Variants in DYNLT1 observed in about 807,000 individuals in gnomAD.
The protein encoded by DYNLT1 is dynein light chain Tctex-type 1.
Under a neutral mutation model 19.6 loss-of-function variants are expected in DYNLT1, and 18 were observed. That is an observed-to-expected ratio of 0.92 (90% CI 0.64 to 1.36). DYNLT1 has a LOEUF of 1.36. Among genes scored for constraint, DYNLT1 ranks in the 40% most tolerant of loss-of-function variants. DYNLT1 has a pLI of 0.00. For synonymous variants in DYNLT1, 56 were observed against 44.0 expected (o/e 1.27, Z -1.07); for missense variants, 137 against 139.3 (o/e 0.98, Z 0.08).
Position 158,637,765 on chromosome 6 carries a change from C to T in DYNLT1, c.193+6G>A. The T allele has an allele frequency of 1.2e-6, 2 of 1,614,116 alleles. No homozygotes were observed. The highest frequency in any genetic ancestry group is 1.7e-6 in the Non-Finnish European group (2 of 1,180,034). On this transcript the variant is annotated splice_donor_region_variant and intron_variant, in intron 3 of 4. Transcript: ENST00000367089. ...CGCAAATATAAAAGAAACAAGACTC[C>T]ATTACCGATGTATTTAAATGGTTTT...
intron 2 of DYNLT1, 69 bp from the exon 3 acceptor site, chr6:158,637,963 T>C: frequency 6.3e-7 from 1 of 1,578,952 alleles, no homozygotes; most frequent in Non-Finnish European, 8.6e-7. Flanking sequence ...AATCAGGAAC[T>C]GACGGCACCC....
At chr6:158,638,846 C>A (rs2128337224) in intron 2 of DYNLT1, among the ~76,000 whole-genome samples, 1 of 152,282 alleles carries the variant, frequency 6.6e-6, no homozygotes, top group South Asian at 2.1e-4. Context: ...GCTGCTCTTG[C>A]TAAGCTTATC....
intron 4 of DYNLT1, 50 bp from the exon 5 acceptor site, chr6:158,636,947 A>G (rs1290933763): frequency 6.3e-7 from 1 of 1,596,126 alleles, no homozygotes; most frequent in Non-Finnish European, 8.6e-7. Context: ...CTGGGGGACG[A>G]CGTTTTACTC....
At chr6:158,637,237 T>C (rs147885568) in intron 3 of DYNLT1, 32 bp from the exon 4 acceptor site, 3 of 1,595,136 alleles carry the variant, frequency 1.9e-6, no homozygotes, top group East Asian at 4.5e-5. Context: ...GTTAGAGAAG[T>C]CTACTGGGTA....
In DYNLT1 at chr6:158,637,817, T is replaced by C. The variant is rs779630473; in HGVS notation, c.147A>G (p.Gln49=). The C allele has an allele frequency of 7.9e-5, 127 of 1,613,226 alleles. No homozygotes were observed. In the East Asian group the frequency reaches 2.8e-3, roughly 36 times the overall value. ...VNQWTTNVVE[Q]TLSQLTKLGK... is the part of the protein sequence containing the mutation. ...CCAGCTTGGTGAGTTGGCTTAAAGTTTGTTCTACTACATTTGTGGTCCACT... is the reference window on the plus strand; with the variant it reads ...CCAGCTTGGTGAGTTGGCTTAAAGTCTGTTCTACTACATTTGTGGTCCACT... The change falls in exon 3 of 5, where the codon CAA becomes CAG. Residue 49 remains glutamine (Q), a synonymous_variant. Coordinates refer to ENST00000367089, the MANE Select transcript of DYNLT1 (RefSeq NM_006519.4).
intron 1 of DYNLT1, among the ~76,000 whole-genome samples, chr6:158,644,350 C>A (rs1353245636): frequency 1.3e-5 from 2 of 152,190 alleles, no homozygotes; most frequent in East Asian, 3.9e-4. Context: ...GTCATCCTCT[C>A]GGCGAGCTTG....
At chr6:158,638,600 G>A (rs1276538672) in intron 2 of DYNLT1, among the ~76,000 whole-genome samples, 3 of 151,824 alleles carry the variant, frequency 2.0e-5, no homozygotes, top group Non-Finnish European at 4.4e-5. Context: ...AGCTGGGACT[G>A]CAGGCATGTG....
At chr6:158,637,748 T>C (rs1486451702) in intron 3 of DYNLT1, 23 bp downstream of exon 3, 11 of 1,614,072 alleles carry the variant, frequency 6.8e-6, no homozygotes, top group South Asian at 1.1e-5. Flanking sequence ...CCCGCAAATA[T>C]AAAAGAAACA....
intron 3 of DYNLT1, 141 bp from the exon 4 acceptor site, chr6:158,637,346 T>A (rs750564461): frequency 5.6e-6 from 4 of 716,230 alleles, no homozygotes; most frequent in African/African-American, 1.8e-5. Context: ...GATTGCCTTG[T>A]CTCACTATAT....
intron 3 of DYNLT1, chr6:158,637,545 G>C: frequency 1.5e-6 from 1 of 671,946 alleles, no homozygotes. Flanking sequence ...TGTTCTAAAA[G>C]CATCTGATGG....
Position 158,636,799 on chromosome 6 carries a change from G to A in DYNLT1, c.*28C>T. 1 of 1,599,324 alleles carries A rather than the reference G, an allele frequency of 6.3e-7. No individual in the cohort carries two copies. Among genetic ancestry groups the A allele is most frequent in the Non-Finnish European group, 8.5e-7 (1 of 1,172,490 alleles). On this transcript the variant is annotated 3_prime_UTR_variant, in exon 5 of 5. Transcript: ENST00000367089. ...GTTAGAGGATGAACTAGAGACAAAA[G>A]GAGAAAGGCCATAGGCTGGACTGCA...
At chr6:158,640,511 C>T (rs1358942993) in intron 2 of DYNLT1, among the ~76,000 whole-genome samples, 2 of 152,082 alleles carry the variant, frequency 1.3e-5, no homozygotes, top group Non-Finnish European at 1.5e-5. Flanking sequence ...CTCTCAGCAC[C>T]GCTCCAGCCA....
chr6:158,637,251 C>T lies in DYNLT1; in HGVS notation c.194-46G>A, dbSNP rs376253495. ...TGTTAGAGAAGTCTACTGGGTAACA[C>T]AAATGTCATTCTGTCCACTTTTAGC... is the stretch of plus-strand genomic sequence containing the variant. On this transcript the variant is annotated intron_variant, in intron 3 of 4. Coordinates refer to ENST00000367089, the MANE Select transcript of DYNLT1 (RefSeq NM_006519.4). The T allele has an allele frequency of 2.8e-5, 44 of 1,554,926 alleles. No homozygotes were observed. In the African/African-American group the frequency reaches 5.4e-4, roughly 19 times the overall value.
chr6:158,641,572 TTTTA>T (rs1318134085), intron 1 of DYNLT1: 22 of 381,922 alleles, frequency 5.8e-5, no homozygotes, highest in South Asian at 9.0e-5. Context: ...ATTGTTTTAT[TTTTA>T]TTTATTTATT....
chr6:158,637,778 T>C lies in DYNLT1; in HGVS notation c.186A>G (p.Lys62=). Residue 62 remains lysine, a synonymous_variant, in exon 3 of 5, where the codon AAA becomes AAG. Transcript: ENST00000367089. ...SQLTKLGKPF[K]YIVTCVIMQK... is the part of the protein sequence containing the mutation. ...GAAACAAGACTCCATTACCGATGTA[T>C]TTAAATGGTTTTCCCAGCTTGGTGA... 6.2e-7 allele frequency: 1 copy of C among 1,614,170 alleles called. No homozygotes were observed. The highest frequency in any genetic ancestry group is 8.5e-7 in the Non-Finnish European group (1 of 1,180,042).
intron 2 of DYNLT1, among the ~76,000 whole-genome samples, chr6:158,640,228 A>G (rs1402825979): frequency 1.3e-5 from 2 of 152,216 alleles, no homozygotes; most frequent in Non-Finnish European, 2.9e-5. Context: ...GATGCTGAAC[A>G]ATGTAAATGG....
chr6:158,637,125 T>C lies in DYNLT1; in HGVS notation c.271+3A>G, dbSNP rs1787022932. 1 of 1,614,108 alleles carries C rather than the reference T, an allele frequency of 6.2e-7. No homozygotes were observed. The highest frequency in any genetic ancestry group is 1.7e-5 in the Admixed American group (1 of 60,006). ...ACTTCACAAACATGAATGAAAATCA[T>C]ACCGTCAGTAGAGCTGTCCCAGAAG... On this transcript the variant is annotated splice_donor_region_variant and intron_variant, in intron 4 of 4. Transcript: ENST00000367089.
At chr6:158,637,982 G>T (rs1787053881) in intron 2 of DYNLT1, 88 bp from the exon 3 acceptor site, 4 of 1,543,088 alleles carry the variant, frequency 2.6e-6, no homozygotes, top group Non-Finnish European at 3.5e-6. Context: ...CCCAAGAAGT[G>T]ATTTATGAAA....
At chr6:158,639,575 C>T (rs1305866613) in intron 2 of DYNLT1, among the ~76,000 whole-genome samples, 2 of 152,180 alleles carry the variant, frequency 1.3e-5, no homozygotes, top group Admixed American at 6.5e-5. Context: ...CACTTGAGTA[C>T]AGAATTACCT....
Sources: allele counts gnomAD v4.1 joint callset (sites outside exome capture counted in the v4.1 genomes callset), GRCh38; gene constraint gnomAD v4.1.1; transcripts MANE v1.5; gene names NCBI Gene and HGNC (gene_info 2026-07-23, HGNC 2026-07-21).